The following CASR variants were observed in gnomAD, a reference collection of about 807,000 sequenced individuals.
CASR encodes extracellular calcium-sensing receptor.
In CASR, 23 loss-of-function variants were observed where a neutral mutation model predicts 69.1. That is an observed-to-expected ratio of 0.33 (90% CI 0.24 to 0.47). CASR has a LOEUF of 0.47. Ranked by LOEUF, CASR falls within the 20% of genes least tolerant of loss-of-function variation. The probability of loss-of-function intolerance (pLI) is 1.00; values close to 1 mark genes in which losing one functional copy is unlikely to be tolerated. For synonymous variants in CASR, 541 were observed against 544.7 expected (o/e 0.99, Z 0.10); for missense variants, 924 against 1,356.1 (o/e 0.68, Z 5.00).
intron 1 of CASR, among the ~76,000 whole-genome samples, chr3:122,220,095 A>C (rs1285459766): frequency 6.6e-6 from 1 of 152,192 alleles, no homozygotes; most frequent in Admixed American, 6.5e-5. Context: ...GTAATGGTAC[A>C]TTAGGGCATG....
intron 1 of CASR, among the ~76,000 whole-genome samples, chr3:122,250,378 T>G (rs563402532): frequency 6.6e-6 from 1 of 152,324 alleles, no homozygotes; most frequent in East Asian, 1.9e-4. Context: ...TAATTTTCTG[T>G]TGAATGAACT....
intron 1 of CASR, among the ~76,000 whole-genome samples, chr3:122,222,425 T>G (rs2074180919): frequency 6.6e-6 from 1 of 152,190 alleles, no homozygotes; most frequent in African/African-American, 2.4e-5. Flanking sequence ...ATTTGGGGGT[T>G]ACTAGTCTTA....
intron 3 of CASR, chr3:122,257,764 C>A (rs914813664): frequency 3.4e-5 from 6 of 175,710 alleles, no homozygotes; most frequent in Non-Finnish European, 7.3e-5. Flanking sequence ...AAATATCTGT[C>A]CCGAATTCCA....
rs139515396 is a variant in CASR, at chr3:122,283,775, G to A, written c.1821G>A (p.Ser607=). The A allele has an allele frequency of 4.3e-6, 7 of 1,613,990 alleles. No homozygotes were observed. Among genetic ancestry groups the A allele is most frequent in the Non-Finnish European group, 5.9e-6 (7 of 1,180,002 alleles). ...TTGCCAAGGAGATCGAGTTTCTGTC[G>A]TGGACGGAGCCCTTTGGGATCGCAC... ...SCIAKEIEFL[S]WTEPFGIALT... Residue 607 remains serine, a synonymous_variant, in exon 7 of 7, where the codon TCG becomes TCA. Transcript: ENST00000639785.
At chr3:122,258,939 G>A (rs973146712) in intron 3 of CASR, among the ~76,000 whole-genome samples, 6 of 152,088 alleles carry the variant, frequency 3.9e-5, no homozygotes, top group Admixed American at 6.5e-5. Flanking sequence ...CTGCCCTGCC[G>A]GGTGAGGTCA....
intron 1 of CASR, among the ~76,000 whole-genome samples, chr3:122,234,435 A>T (rs954334202): frequency 7.2e-5 from 11 of 152,202 alleles, no homozygotes; most frequent in African/African-American, 2.7e-4. Context: ...AGGAATAATA[A>T]CCTTTGCCCA....
At chr3:122,271,843 T>C (rs916934067) in intron 4 of CASR, among the ~76,000 whole-genome samples, 19 of 152,180 alleles carry the variant, frequency 1.2e-4, no homozygotes, top group South Asian at 2.1e-4. Context: ...TTCATATAAA[T>C]AAAATCATAA....
intron 1 of CASR, among the ~76,000 whole-genome samples, chr3:122,253,084 GTTC>G (rs1483833742): frequency 1.3e-5 from 2 of 152,150 alleles, no homozygotes; most frequent in East Asian, 3.8e-4. Context: ...TATAAGAACT[GTTC>G]TTAAAAGGCT....
chr3:122,231,409 G>C (rs779713706), intron 1 of CASR, among the ~76,000 whole-genome samples: 2 of 152,180 alleles, frequency 1.3e-5, no homozygotes, highest in Non-Finnish European at 2.9e-5. Context: ...ACCATCATAC[G>C]AAGAGCTAAT....
Position 122,277,066 on chromosome 3 carries a change from T to G in CASR, c.1608+1024T>G, listed in dbSNP as rs986673176. 5.7e-5 allele frequency among the ~76,000 whole-genome samples: 8 copies of G among 140,462 alleles called. No individual in the cohort carries two copies. The East Asian group carries it at 5.9e-4, about 10-fold the overall frequency. The allele number at this position is 140,462 out of a possible 152,430, so 92.1% of individuals were successfully genotyped here. The stretch of plus-strand genomic sequence containing the variant: ...CACTTTTCTTTTTTTTTTTTTTTTT[T>G]GAGATGGGGTCTGGCTCTGTTGCCT... On this transcript the variant is annotated intron_variant, in intron 5 of 6. Transcript: ENST00000639785.
intron 1 of CASR, among the ~76,000 whole-genome samples, chr3:122,244,924 A>G (rs780409930): frequency 2.6e-5 from 4 of 152,096 alleles, no homozygotes; most frequent in Non-Finnish European, 4.4e-5. Flanking sequence ...CTTTTTTGCA[A>G]TGTTTTTCAT....
intron 4 of CASR, among the ~76,000 whole-genome samples, chr3:122,263,312 C>T (rs1421426194): frequency 1.3e-5 from 2 of 152,188 alleles, no homozygotes; most frequent in Non-Finnish European, 2.9e-5. Context: ...TTAGGCAAAC[C>T]ATGGCTGTAA....
At chr3:122,264,565 C>T (rs760498157) in intron 4 of CASR, among the ~76,000 whole-genome samples, 2 of 152,200 alleles carry the variant, frequency 1.3e-5, no homozygotes, top group Non-Finnish European at 2.9e-5. Context: ...ACAGACACTT[C>T]ACCCAACCAT....
intron 1 of CASR, among the ~76,000 whole-genome samples, chr3:122,226,502 C>T (rs1274817080): frequency 2.6e-5 from 4 of 152,160 alleles, no homozygotes; most frequent in Admixed American, 6.5e-5. Context: ...GGGACCCAAG[C>T]GGGTTGCCAC....
At chr3:122,225,822 C>T (rs936877257) in intron 1 of CASR, among the ~76,000 whole-genome samples, 3 of 152,142 alleles carry the variant, frequency 2.0e-5, no homozygotes, top group African/African-American at 4.8e-5. Context: ...TGGAGTCAAC[C>T]AAGATGCCCA....
chr3:122,201,044 G>C (rs189994904), intron 1 of CASR, among the ~76,000 whole-genome samples: 4 of 128,310 alleles, frequency 3.1e-5, no homozygotes, highest in Non-Finnish European at 6.3e-5. Context: ...GGTGTTTCTC[G>C]CAGAGGGGGA....
At chr3:122,220,240 C>G (rs2074157315) in intron 1 of CASR, among the ~76,000 whole-genome samples, 1 of 152,232 alleles carries the variant, frequency 6.6e-6, no homozygotes, top group African/African-American at 2.4e-5. Context: ...CATACCTCTT[C>G]CTGAAACTTG....
At chr3:122,223,167 A>G (rs1270251116) in intron 1 of CASR, among the ~76,000 whole-genome samples, 1 of 152,186 alleles carries the variant, frequency 6.6e-6, no homozygotes, top group East Asian at 1.9e-4. Flanking sequence ...GAACTAGAAA[A>G]ACAATAGGAA....
intron 1 of CASR, among the ~76,000 whole-genome samples, chr3:122,237,553 TA>T (rs2074340132): frequency 6.6e-6 from 1 of 152,246 alleles, no homozygotes; most frequent in African/African-American, 2.4e-5. Flanking sequence ...CGCAGTGGAA[TA>T]TTATACCGCA....
Sources: allele counts gnomAD v4.1 joint callset (sites outside exome capture counted in the v4.1 genomes callset), GRCh38; gene constraint gnomAD v4.1.1; transcripts MANE v1.5; gene names NCBI Gene and HGNC (gene_info 2026-07-23, HGNC 2026-07-21).